Variants in MCU observed in about 807,000 individuals in gnomAD.
The protein encoded by MCU is mitochondrial calcium uniporter, also known as calcium uniporter protein, mitochondrial.
MCU carries 12 observed loss-of-function variants against 45.2 expected under a neutral mutation model. The observed-to-expected ratio is 0.27, with a 90% confidence interval of 0.17 to 0.43. MCU has a LOEUF of 0.43. MCU is among the 20% of genes least tolerant of loss of function. The pLI, the probability that MCU is intolerant of heterozygous loss-of-function variation, is 1.00. For missense variants in MCU, 324 were observed against 436.7 expected (o/e 0.74, Z 2.30); for synonymous variants, 160 against 165.1 (o/e 0.97, Z 0.24).
chr10:72,837,384 A>G (rs1469763619), intron 2 of MCU, among the ~76,000 whole-genome samples: 10 of 152,186 alleles, frequency 6.6e-5, no homozygotes, highest in African/African-American at 1.7e-4. Flanking sequence ...ATGAGAGGCA[A>G]TCTGCTTAAA....
intron 1 of MCU, among the ~76,000 whole-genome samples, chr10:72,821,847 G>T (rs538014172): frequency 1.3e-5 from 2 of 152,258 alleles, no homozygotes; most frequent in Non-Finnish European, 2.9e-5. Flanking sequence ...ACAGACCACA[G>T]TTAGGCCATA....
chr10:72,810,634 G>GGTTGTTGTTGTTGTTGTT (rs71021536), intron 1 of MCU, among the ~76,000 whole-genome samples: 3 of 146,780 alleles, frequency 2.0e-5, no homozygotes, highest in Non-Finnish European at 4.5e-5. Context: ...CGCCCAGCTA[G>GGTTGTTGTTGTTGTTGTT]GTTGTTGTTG....
At chr10:72,707,769 T>C (rs2132656839) in intron 1 of MCU, among the ~76,000 whole-genome samples, 1 of 152,262 alleles carries the variant, frequency 6.6e-6, no homozygotes, top group East Asian at 1.9e-4. Context: ...ACTTAACCCC[T>C]TTGGTCTTAA....
At chr10:72,703,473 C>G (rs1304667164) in intron 1 of MCU, among the ~76,000 whole-genome samples, 2 of 152,184 alleles carry the variant, frequency 1.3e-5, no homozygotes, top group Non-Finnish European at 2.9e-5. Context: ...AGGGATCAGA[C>G]TATGAAGGGA....
chr10:72,866,007 G>C (rs12771384), intron 4 of MCU, among the ~76,000 whole-genome samples: 3 of 149,986 alleles, frequency 2.0e-5, no homozygotes, highest in Non-Finnish European at 4.5e-5. Flanking sequence ...TTGATCTCCT[G>C]ACCTCGTGAT....
chr10:72,732,957 A>G (rs189708353), intron 1 of MCU, among the ~76,000 whole-genome samples: 9 of 152,306 alleles, frequency 5.9e-5, no homozygotes, highest in Non-Finnish European at 2.9e-5. Flanking sequence ...ATAATCTTTC[A>G]CTAAGAGCAT....
chr10:72,754,437 T>G (rs1344344353), intron 1 of MCU, among the ~76,000 whole-genome samples: 1 of 152,224 alleles, frequency 6.6e-6, no homozygotes, highest in East Asian at 1.9e-4. Context: ...TTATGTATCA[T>G]GCAGGTTGGT....
At chr10:72,830,433 A>G (rs1844862839) in intron 1 of MCU, among the ~76,000 whole-genome samples, 2 of 152,188 alleles carry the variant, frequency 1.3e-5, no homozygotes, top group Non-Finnish European at 2.9e-5. Context: ...TTGAAGTGAT[A>G]TGATGGTTGG....
At chr10:72,805,097 CTTTCTCTTTCTTTCTTTCTT>C (rs1191049076) in intron 1 of MCU, among the ~76,000 whole-genome samples, 2 of 139,566 alleles carry the variant, frequency 1.4e-5, no homozygotes, top group Admixed American at 1.4e-4. Flanking sequence ...TTCTTTCTTT[CTTTCTCTTTCTTTCTTTCTT>C]TCTTTCTTTC....
chr10:72,696,833 T>C (rs911448851), intron 1 of MCU, among the ~76,000 whole-genome samples: 3 of 152,122 alleles, frequency 2.0e-5, no homozygotes, highest in African/African-American at 7.2e-5. Context: ...CTTAATAGCC[T>C]TCCTTAGGTA....
chr10:72,855,743 A>G (rs1442676274), intron 2 of MCU, among the ~76,000 whole-genome samples: 2 of 152,230 alleles, frequency 1.3e-5, no homozygotes, highest in African/African-American at 4.8e-5. Context: ...TAAGACTTAT[A>G]TTCAGCCATA....
At chr10:72,752,560 G>T (rs1198838160) in intron 1 of MCU, among the ~76,000 whole-genome samples, 1 of 152,136 alleles carries the variant, frequency 6.6e-6, no homozygotes, top group African/African-American at 2.4e-5. Context: ...TAATAAACAT[G>T]AATAGCAACA....
chr10:72,749,388 A>G (rs1843462179), intron 1 of MCU, among the ~76,000 whole-genome samples: 1 of 152,222 alleles, frequency 6.6e-6, no homozygotes, highest in African/African-American at 2.4e-5. Flanking sequence ...CTTCTAAGGT[A>G]TAAGGTATTT....
intron 1 of MCU, among the ~76,000 whole-genome samples, chr10:72,798,372 A>G (rs1844284051): frequency 6.6e-6 from 1 of 151,956 alleles, no homozygotes; most frequent in South Asian, 2.1e-4. Context: ...GCTCACTGCA[A>G]CCTCTGCTTC....
At chr10:72,737,822 T>C (rs546038282) in intron 1 of MCU, among the ~76,000 whole-genome samples, 6 of 152,182 alleles carry the variant, frequency 3.9e-5, no homozygotes, top group African/African-American at 1.4e-4. Flanking sequence ...GCCCAGCCTA[T>C]TTCCCCTTTT....
At chr10:72,734,754 A>G (rs994064534) in intron 1 of MCU, among the ~76,000 whole-genome samples, 2 of 151,876 alleles carry the variant, frequency 1.3e-5, no homozygotes, top group Non-Finnish European at 2.9e-5. Flanking sequence ...GCTAGGACCA[A>G]AGGCGTGTGA....
At chr10:72,858,847 A>G (rs1474733948) in intron 2 of MCU, among the ~76,000 whole-genome samples, 1 of 152,178 alleles carries the variant, frequency 6.6e-6, no homozygotes, top group African/African-American at 2.4e-5. Flanking sequence ...CTGCTTAATA[A>G]AATCTTGCTA....
At chr10:72,746,818 CAT>C (rs754660376) in intron 1 of MCU, among the ~76,000 whole-genome samples, 1 of 152,170 alleles carries the variant, frequency 6.6e-6, no homozygotes, top group Admixed American at 6.5e-5. Flanking sequence ...GATATCAAGA[CAT>C]GTAGTTATTA....
chr10:72,813,450 C>CTTTTT (rs71021537), intron 1 of MCU, among the ~76,000 whole-genome samples: 15 of 76,220 alleles, frequency 2.0e-4, no homozygotes, highest in Non-Finnish European at 3.6e-4. Flanking sequence ...CCAGCTCTCT[C>CTTTTT]TTTTTTTTTT....
Sources: gnomAD v4.1 joint callset for allele counts (sites outside exome capture counted in the v4.1 genomes callset) on GRCh38, gnomAD v4.1.1 for gene constraint, MANE v1.5 for transcripts, NCBI Gene and HGNC (gene_info 2026-07-23, HGNC 2026-07-21) for gene names.